The following OAS3 variants were observed in gnomAD, a reference collection of about 807,000 sequenced individuals.
OAS3 encodes 2'-5'-oligoadenylate synthase 3.
OAS3 carries 107 observed loss-of-function variants against 113.0 expected under a neutral mutation model. That is an observed-to-expected ratio of 0.95 (90% CI 0.81 to 1.11). The LOEUF (loss-of-function observed/expected upper bound fraction) is 1.11. OAS3 is among the 50% of genes most tolerant of loss of function. The pLI, the probability that OAS3 is intolerant of heterozygous loss-of-function variation, is 0.00. For missense variants in OAS3, 1,258 were observed against 1,389.1 expected (o/e 0.91, Z 1.50); for synonymous variants, 552 against 573.6 (o/e 0.96, Z 0.54).
chr12:112,964,452 G>A (rs747538901), intron 11 of OAS3, 44 bp downstream of exon 11: 67 of 1,580,708 alleles, frequency 4.2e-5, no homozygotes, highest in Non-Finnish European at 5.4e-5. Flanking sequence ...CCTGCAAGCT[G>A]GTGATCTCTC....
In OAS3 at chr12:112,948,109, G is replaced by A. The variant is rs770982114; in HGVS notation, c.1029+10G>A. 6.6e-7 allele frequency: 1 copy of A among 1,516,302 alleles called. No individual in the cohort carries two copies. Among genetic ancestry groups the A allele is most frequent in the Non-Finnish European group, 8.8e-7 (1 of 1,133,884 alleles). The allele number at this position is 1,516,302 out of a possible 1,614,324, so 93.9% of individuals were successfully genotyped here. ...GTCTTGGAAGGGGCCGGTAAGTGAG[G>A]GGGCCCCAGGACCCTTGGGTTTTGC... is the stretch of plus-strand genomic sequence containing the variant. On this transcript the variant is annotated intron_variant, in intron 5 of 15. Transcript: ENST00000228928.
At chr12:112,959,587 G>A (rs1248148050) in intron 7 of OAS3, among the ~76,000 whole-genome samples, 2 of 152,056 alleles carry the variant, frequency 1.3e-5, no homozygotes, top group East Asian at 3.9e-4. Context: ...TCTTCCAATA[G>A]CTCTTCAAAT....
intron 2 of OAS3, 97 bp from the exon 3 acceptor site, chr12:112,944,379 C>T: frequency 7.5e-7 from 1 of 1,328,576 alleles, no homozygotes; most frequent in South Asian, 1.2e-5. Context: ...ATTCTTCCCA[C>T]TCTCTCTCAG....
Position 112,967,997 on chromosome 12 carries a change from CTG to C in OAS3, c.2931_2932del (p.Tyr978CysfsTer15). ...CCACAGCACGGGCTGGAACTCCTGA[CTG>C]TGTATGCCTGGGAGCAGGGCGGGAA... On this transcript the variant is annotated frameshift_variant, in exon 14 of 16. Transcript: ENST00000228928. LOFTEE classifies it high-confidence loss of function. 1 of 1,614,034 alleles carries C rather than the reference CTG, an allele frequency of 6.2e-7. No individual in the cohort carries two copies. Among genetic ancestry groups the C allele is most frequent in the Non-Finnish European group, 8.5e-7 (1 of 1,179,890 alleles).
Position 112,968,185 on chromosome 12 carries a change from AC to A in OAS3, c.3104+16del. 6.2e-7 allele frequency: 1 copy of A among 1,603,070 alleles called. No homozygotes were observed. The highest frequency in any genetic ancestry group is 8.5e-7 in the Non-Finnish European group (1 of 1,172,856). On this transcript the variant is annotated intron_variant, in intron 14 of 15. Transcript: ENST00000228928. ...GCTTCAGAAGCCCAGGTTCAGGTCT[AC>A]CCCCAATGTTCCAGAATTTCAAACC...
In OAS3 at chr12:112,963,769, T is replaced by C. The variant is rs943408277; in HGVS notation, c.2229+312T>C. Among the ~76,000 whole-genome samples, 7 of 152,320 alleles carry C rather than the reference T, an allele frequency of 4.6e-5. No homozygotes were observed. The highest frequency in any genetic ancestry group is 4.1e-4 in the South Asian group (2 of 4,824). On this transcript the variant is annotated intron_variant, in intron 10 of 15. Coordinates refer to ENST00000228928, the MANE Select transcript of OAS3 (RefSeq NM_006187.4). The surrounding 1 kb of genome is among the most constrained non-coding windows in gnomAD (Gnocchi z 4.6). The stretch of plus-strand genomic sequence containing the variant: ...TTGTCTCCGGCTGAGCACCCAGCTT[T>C]GCTGAGCCTCTTCTCTGCCCTCTGC...
At chr12:112,939,306 C>CTTTTTTTTTTTTTTTTT (rs58792765) in intron 1 of OAS3, among the ~76,000 whole-genome samples, 1 of 68,252 alleles carries the variant, frequency 1.5e-5, no homozygotes, top group African/African-American at 5.5e-5. Context: ...TGAGTCACAT[C>CTTTTTTTTTTTTTTTTT]TTTTTTTTTT....
intron 6 of OAS3, among the ~76,000 whole-genome samples, chr12:112,950,278 G>A (rs2136349639): frequency 6.6e-6 from 1 of 152,320 alleles, no homozygotes; most frequent in African/African-American, 2.4e-5. Flanking sequence ...GAGGGAGGGA[G>A]GGAATTGATG....
At chr12:112,957,954 C>T (rs2136354883) in intron 7 of OAS3, among the ~76,000 whole-genome samples, 1 of 152,316 alleles carries the variant, frequency 6.6e-6, no homozygotes, top group South Asian at 2.1e-4. Context: ...TCCATTCTCC[C>T]TGTCACTTTC....
intron 4 of OAS3, among the ~76,000 whole-genome samples, chr12:112,947,226 A>T (rs576728310): frequency 2.1e-4 from 32 of 152,334 alleles, no homozygotes; most frequent in African/African-American, 7.5e-4. Context: ...GCTGATGTAT[A>T]GCAGAAAGTG....
rs555843602 is a variant in OAS3 at position 112,966,132 on chromosome 12, G to A, written c.2689+103G>A. 35 of 1,153,564 alleles carry A rather than the reference G, an allele frequency of 3.0e-5. No homozygotes were observed. The East Asian group carries it at 6.6e-4, about 22-fold the overall frequency. 71.5% of individuals were successfully genotyped at this position (1,153,564 alleles called of 1,614,324 possible). ...GTACACAACCAGGCCACATCTGTTC[G>A]CATCATTGCAGGCATTGTAGTTGTG... On this transcript the variant is annotated intron_variant, in intron 12 of 15. Transcript: ENST00000228928.
At chr12:112,948,486 G>C (rs2043753951) in intron 5 of OAS3, among the ~76,000 whole-genome samples, 1 of 130,416 alleles carries the variant, frequency 7.7e-6, no homozygotes, top group Non-Finnish European at 1.6e-5. Flanking sequence ...CTGGGTGACA[G>C]AGTAAGACTC....
At chr12:112,967,256 C>A (rs145445612) in intron 12 of OAS3, among the ~76,000 whole-genome samples, 162 bp from the exon 13 acceptor site, 84 of 152,338 alleles carry the variant, frequency 5.5e-4, no homozygotes, top group Admixed American at 1.1e-3. Flanking sequence ...GATCAGGCCA[C>A]ATCTGTGTTC....
chr12:112,960,627 A>G (rs2043874017), intron 7 of OAS3, among the ~76,000 whole-genome samples: 1 of 152,166 alleles, frequency 6.6e-6, no homozygotes, highest in South Asian at 2.1e-4. Context: ...ATAGCCTTAG[A>G]AGGATAGGTG....
rs997067372 is a variant in OAS3 at position 112,954,559 on chromosome 12, G to A, written c.1657+3584G>A. On this transcript the variant is annotated intron_variant, in intron 7 of 15. Coordinates refer to ENST00000228928, the MANE Select transcript of OAS3 (RefSeq NM_006187.4). The surrounding 1 kb of genome is among the most constrained non-coding windows in gnomAD (Gnocchi z 4.0). ...GATCCACCCACCTCGGCCTCCCAAA[G>A]TGCTGGGATTACAGGCGTGAGCCAC... Among the ~76,000 whole-genome samples the A allele has an allele frequency of 6.6e-6, 1 of 152,158 alleles. No homozygotes were observed. The highest frequency in any genetic ancestry group is 1.5e-5 in the Non-Finnish European group (1 of 68,028).
intron 14 of OAS3, chr12:112,969,310 G>T: frequency 2.4e-6 from 1 of 421,584 alleles, no homozygotes; most frequent in Non-Finnish European, 4.4e-6. Context: ...TGCAGGAGGG[G>T]AGAGTTGTGG....
chr12:112,944,392 C>A (rs557927521), intron 2 of OAS3, 84 bp from the exon 3 acceptor site: 1 of 1,470,236 alleles, frequency 6.8e-7, no homozygotes. Flanking sequence ...TCTCTCAGCG[C>A]CCCAGGCTGA....
chr12:112,957,801 A>T (rs928635659), intron 7 of OAS3, among the ~76,000 whole-genome samples: 1 of 152,040 alleles, frequency 6.6e-6, no homozygotes, highest in African/African-American at 2.4e-5. Flanking sequence ...GGTGAATCTG[A>T]CAATTATGTG....
At chr12:112,944,982 T>C (rs1593174752) in intron 3 of OAS3, 49 of 349,246 alleles carry the variant, frequency 1.4e-4, no homozygotes, top group South Asian at 1.2e-3. Flanking sequence ...ATATATCCTT[T>C]GAAAAATGAG....
Sources: gnomAD v4.1 joint callset for allele counts (sites outside exome capture counted in the v4.1 genomes callset) on GRCh38, gnomAD v4.1.1 for gene constraint, Gnocchi (gnomAD v3.1) non-coding constraint, MANE v1.5 for transcripts, NCBI Gene and HGNC (gene_info 2026-07-23, HGNC 2026-07-21) for gene names.